CYP7B1: variants seen among roughly 807,000 people sequenced by gnomAD.
CYP7B1 encodes cytochrome P450 7B1.
A neutral mutation model predicts 42.7 loss-of-function variants in CYP7B1; 29 were observed. The observed-to-expected ratio is 0.68, with a 90% confidence interval of 0.51 to 0.93. The LOEUF is 0.93. Ranked by LOEUF, CYP7B1 falls within the 40% of genes least tolerant of loss-of-function variation. CYP7B1 has a pLI of 0.00. For missense variants in CYP7B1, 655 were observed against 600.5 expected, an observed-to-expected ratio of 1.09 and a Z score of -0.95; for synonymous variants, 235 against 218.2, an observed-to-expected ratio of 1.08 and a Z score of -0.68.
intron 2 of CYP7B1, among the ~76,000 whole-genome samples, chr8:64,616,486 A>T (rs1167490724): frequency 1.3e-5 from 2 of 152,178 alleles, no homozygotes; most frequent in African/African-American, 4.8e-5. Context: ...ACGTGAAGTT[A>T]AATATCCTGA....
intron 1 of CYP7B1, among the ~76,000 whole-genome samples, chr8:64,755,767 T>C (rs1807799199): frequency 6.6e-6 from 1 of 152,196 alleles, no homozygotes; most frequent in Non-Finnish European, 1.5e-5. Flanking sequence ...ATATTTCTCA[T>C]TGATGAAATT....
intron 1 of CYP7B1, among the ~76,000 whole-genome samples, chr8:64,709,029 CAG>C (rs1289766178): frequency 6.6e-6 from 1 of 152,186 alleles, no homozygotes; most frequent in East Asian, 1.9e-4. Flanking sequence ...AGTGATCTGA[CAG>C]GCACTGAGCT....
rs151068217 is a variant in CYP7B1, at chr8:64,668,623, T to C, written c.123-44084A>G. 3.3e-4 allele frequency among the ~76,000 whole-genome samples: 50 copies of C among 151,456 alleles called. 1 individual carries two copies. In the East Asian group the frequency reaches 9.7e-3, roughly 29 times the overall value. Reference sequence around the variant, plus strand: ...GATTGGTCTGGCAACTTACTTGACATAGTAGTACATGAAATAAGAATTTGA... The same window carrying C: ...GATTGGTCTGGCAACTTACTTGACACAGTAGTACATGAAATAAGAATTTGA... On this transcript the variant is annotated intron_variant, in intron 1 of 5. Coordinates refer to ENST00000310193, the MANE Select transcript of CYP7B1 (RefSeq NM_004820.5).
intron 1 of CYP7B1, among the ~76,000 whole-genome samples, chr8:64,782,385 C>A (rs550337467): frequency 6.6e-6 from 1 of 152,136 alleles, no homozygotes. Context: ...AGGTCCTTTG[C>A]CCCTTCCTCC....
chr8:64,754,860 G>A (rs1009189982), intron 1 of CYP7B1, among the ~76,000 whole-genome samples: 1 of 152,176 alleles, frequency 6.6e-6, no homozygotes, highest in Non-Finnish European at 1.5e-5. Context: ...TGAGCCTTGG[G>A]TAAGGCCTAT....
Position 64,751,253 on chromosome 8 carries a change from G to A in CYP7B1, c.122+47213C>T, listed in dbSNP as rs547339266. Among the ~76,000 whole-genome samples the A allele has an allele frequency of 2.6e-5, 4 of 152,176 alleles. No homozygotes were observed. In the East Asian group the frequency reaches 7.7e-4, roughly 29 times the overall value. ...AAAGATAACCACTGCTAGTATTTAG[G>A]TATATGTCCCTTATAAACCCACACA... is the stretch of plus-strand genomic sequence containing the variant. On this transcript the variant is annotated intron_variant, in intron 1 of 5. Coordinates refer to ENST00000310193, the MANE Select transcript of CYP7B1 (RefSeq NM_004820.5).
intron 1 of CYP7B1, among the ~76,000 whole-genome samples, chr8:64,757,430 T>C (rs953053671): frequency 6.6e-6 from 1 of 152,176 alleles, no homozygotes; most frequent in African/African-American, 2.4e-5. Context: ...AAATTTCTCA[T>C]AGAAAAAGGA....
intron 1 of CYP7B1, among the ~76,000 whole-genome samples, chr8:64,752,815 T>C (rs1368050459): frequency 6.6e-6 from 1 of 152,230 alleles, no homozygotes; most frequent in Non-Finnish European, 1.5e-5. Flanking sequence ...AAGTGCAATC[T>C]GAGAAACTTC....
intron 1 of CYP7B1, among the ~76,000 whole-genome samples, chr8:64,680,726 A>T (rs370544691): frequency 3.0e-4 from 45 of 152,358 alleles, no homozygotes; most frequent in African/African-American, 1.1e-3. Flanking sequence ...CCTGATGATT[A>T]TATGCTTTCA....
At chr8:64,743,677 G>A (rs1041336670) in intron 1 of CYP7B1, among the ~76,000 whole-genome samples, 2 of 152,060 alleles carry the variant, frequency 1.3e-5, no homozygotes, top group Non-Finnish European at 2.9e-5. Flanking sequence ...GATTGGATTA[G>A]GGCCCATGAG....
intron 1 of CYP7B1, among the ~76,000 whole-genome samples, chr8:64,659,228 T>C (rs947126329): frequency 1.3e-5 from 2 of 151,914 alleles, no homozygotes; most frequent in East Asian, 1.9e-4. Flanking sequence ...TGCAAAGTAA[T>C]TGACTACAAT....
At chr8:64,668,486 G>T (rs529823937) in intron 1 of CYP7B1, among the ~76,000 whole-genome samples, 1 of 152,036 alleles carries the variant, frequency 6.6e-6, no homozygotes, top group Non-Finnish European at 1.5e-5. Flanking sequence ...TGTTTGCAAA[G>T]CTTCCCAACT....
chr8:64,732,535 G>A lies in CYP7B1; in HGVS notation c.122+65931C>T, dbSNP rs116112347. 9.2e-3 allele frequency among the ~76,000 whole-genome samples: 1,400 copies of A among 152,240 alleles called. 20 individuals carry two copies. The highest frequency in any genetic ancestry group is 0.032 in the African/African-American group (1,328 of 41,524). ...GGAAGGGATTTGCCTTGTTTCAGAT[G>A]AGACCATGGACTTGCACTTTTGGGT... is the stretch of plus-strand genomic sequence containing the variant. On this transcript the variant is annotated intron_variant, in intron 1 of 5. Coordinates refer to ENST00000310193, the MANE Select transcript of CYP7B1 (RefSeq NM_004820.5).
chr8:64,686,258 G>T (rs1235394348), intron 1 of CYP7B1, among the ~76,000 whole-genome samples: 1 of 45,212 alleles, frequency 2.2e-5, no homozygotes, highest in Non-Finnish European at 4.7e-5. Context: ...CCGGCCAGCC[G>T]CCCCGTCCGG....
chr8:64,604,424 A>T (rs1435884812), intron 5 of CYP7B1, among the ~76,000 whole-genome samples: 1 of 152,238 alleles, frequency 6.6e-6, no homozygotes, highest in Non-Finnish European at 1.5e-5. Flanking sequence ...CCAAGGCGCA[A>T]TGTCCACTTC....
chr8:64,594,160 T>C lies in CYP7B1; in HGVS notation c.*2482A>G, dbSNP rs183918775. 9.2e-5 allele frequency among the ~76,000 whole-genome samples: 14 copies of C among 152,240 alleles called. No homozygotes were observed. In the East Asian group the frequency reaches 2.5e-3, roughly 27 times the overall value. On this transcript the variant is annotated 3_prime_UTR_variant, in exon 6 of 6. Coordinates refer to ENST00000310193, the MANE Select transcript of CYP7B1 (RefSeq NM_004820.5). ...GACAAGGCATTTAGCAGCCCTGGGC[T>C]GAGATGGTTAGGCACAGTAGTGTGA...
At chr8:64,694,375 T>C (rs1216629627) in intron 1 of CYP7B1, among the ~76,000 whole-genome samples, 2 of 152,234 alleles carry the variant, frequency 1.3e-5, no homozygotes, top group Non-Finnish European at 2.9e-5. Context: ...CTCCACTCTA[T>C]GTTCAGTACT....
chr8:64,621,922 T>C (rs1805536698), intron 2 of CYP7B1, among the ~76,000 whole-genome samples: 1 of 151,490 alleles, frequency 6.6e-6, no homozygotes, highest in Non-Finnish European at 1.5e-5. Flanking sequence ...TTTTTTTTTT[T>C]TTAGTAGAGA....
chr8:64,624,911 T>C (rs977844758), intron 1 of CYP7B1, among the ~76,000 whole-genome samples: 1 of 138,086 alleles, frequency 7.2e-6, no homozygotes, highest in South Asian at 2.5e-4. Flanking sequence ...CCCTTCCCCC[T>C]GGGTACCCCC....
Sources: allele counts gnomAD v4.1 joint callset (sites outside exome capture counted in the v4.1 genomes callset), GRCh38; gene constraint gnomAD v4.1.1; transcripts MANE v1.5; gene names NCBI Gene and HGNC (gene_info 2026-07-23, HGNC 2026-07-21).